MARCO: variants seen among roughly 807,000 people sequenced by gnomAD.
MARCO encodes macrophage receptor MARCO.
Under a neutral mutation model 70.0 loss-of-function variants are expected in MARCO, and 72 were observed. That is an observed-to-expected ratio of 1.03 (90% CI 0.85 to 1.25). The LOEUF is 1.25. MARCO is among the 50% of genes most tolerant of loss of function. The pLI is 0.00. For missense variants in MARCO, 696 were observed against 659.3 expected (o/e 1.06, Z -0.61); for synonymous variants, 273 against 243.1 (o/e 1.12, Z -1.14).
intron 1 of MARCO, among the ~76,000 whole-genome samples, chr2:118,950,203 TA>T (rs1679693580): frequency 6.6e-6 from 1 of 152,246 alleles, no homozygotes; most frequent in Non-Finnish European, 1.5e-5. Context: ...TTAATTTTAA[TA>T]AAACCTTGTT....
rs542860810 is a variant in MARCO at position 118,972,845 on chromosome 2, A to G, written c.460+1311A>G. Among the ~76,000 whole-genome samples, 3 of 152,230 alleles carry G rather than the reference A, an allele frequency of 2.0e-5. No homozygotes were observed. In the East Asian group the frequency reaches 5.8e-4, roughly 29 times the overall value. The stretch of plus-strand genomic sequence containing the variant: ...GAATCAATGCTTAAACTTCTTCTCA[A>G]CCCAATGGGTTCAGTACAACCTTCA... On this transcript the variant is annotated intron_variant, in intron 4 of 16. Transcript: ENST00000327097.
chr2:118,970,670 G>T (rs1007974863), intron 3 of MARCO, among the ~76,000 whole-genome samples: 1 of 152,176 alleles, frequency 6.6e-6, no homozygotes, highest in African/African-American at 2.4e-5. Flanking sequence ...GAGGACACCC[G>T]GACCTGCTGG....
intron 1 of MARCO, among the ~76,000 whole-genome samples, chr2:118,952,396 A>G (rs1679739741): frequency 6.6e-6 from 1 of 152,148 alleles, no homozygotes; most frequent in Non-Finnish European, 1.5e-5. Context: ...GCGTGCAGGT[A>G]TAAATCCCAT....
intron 1 of MARCO, among the ~76,000 whole-genome samples, chr2:118,951,936 T>G (rs1679730251): frequency 6.6e-6 from 1 of 151,924 alleles, no homozygotes; most frequent in Admixed American, 6.6e-5. Context: ...TCTCCGCCTC[T>G]CTCTCTTTCT....
At chr2:118,978,289 C>A (rs1430204617) in intron 8 of MARCO, among the ~76,000 whole-genome samples, 1 of 152,066 alleles carries the variant, frequency 6.6e-6, no homozygotes, top group Admixed American at 6.5e-5. Context: ...GGAGGGAGAC[C>A]CCAGGCAGCC....
At chr2:118,978,175 A>G (rs1680322607) in intron 8 of MARCO, among the ~76,000 whole-genome samples, 1 of 152,160 alleles carries the variant, frequency 6.6e-6, no homozygotes, top group African/African-American at 2.4e-5. Context: ...AGGCAGTGCT[A>G]GGAGCTCAGA....
intron 1 of MARCO, among the ~76,000 whole-genome samples, chr2:118,961,567 T>G (rs960202270): frequency 2.0e-5 from 3 of 151,064 alleles, no homozygotes; most frequent in Admixed American, 6.6e-5. Context: ...AATGAGGTTG[T>G]TTTTTTTTCT....
intron 1 of MARCO, among the ~76,000 whole-genome samples, chr2:118,954,310 C>A (rs1267728272): frequency 6.6e-6 from 1 of 152,170 alleles, no homozygotes; most frequent in Non-Finnish European, 1.5e-5. Context: ...CCCCACTTCC[C>A]TGACAACCTG....
At chr2:118,966,438 A>T (rs1304206697) in intron 1 of MARCO, among the ~76,000 whole-genome samples, 1 of 152,200 alleles carries the variant, frequency 6.6e-6, no homozygotes, top group Non-Finnish European at 1.5e-5. Flanking sequence ...TGAAATGAAC[A>T]GTGTAGAGGC....
chr2:118,977,343 TGAGAGA>T, intron 6 of MARCO, 122 bp from the exon 7 acceptor site: 1 of 731,530 alleles, frequency 1.4e-6, no homozygotes, highest in Non-Finnish European at 2.4e-6. Context: ...AGAGTGAGAG[TGAGAGA>T]GAGAGAAAGA....
chr2:118,956,450 CCAAA>C (rs1386548357), intron 1 of MARCO, among the ~76,000 whole-genome samples: 2 of 102,888 alleles, frequency 1.9e-5, no homozygotes, highest in East Asian at 6.3e-4. Context: ...TATCACAATC[CCAAA>C]CATTTATGCA....
chr2:118,969,622 A>C (rs529647848), intron 2 of MARCO, among the ~76,000 whole-genome samples: 1 of 152,216 alleles, frequency 6.6e-6, no homozygotes, highest in Non-Finnish European at 1.5e-5. Flanking sequence ...CCATTTGAAC[A>C]TGATTTTACT....
At chr2:118,950,547 A>C (rs984874951) in intron 1 of MARCO, among the ~76,000 whole-genome samples, 2 of 152,186 alleles carry the variant, frequency 1.3e-5, no homozygotes, top group African/African-American at 4.8e-5. Context: ...CTTTCCTTAC[A>C]TACCTTGCAT....
At chr2:118,951,574 G>A (rs1457727777) in intron 1 of MARCO, among the ~76,000 whole-genome samples, 3 of 152,194 alleles carry the variant, frequency 2.0e-5, no homozygotes, top group East Asian at 3.9e-4. Flanking sequence ...GGCCATCTAC[G>A]GGTTACTGGG....
intron 4 of MARCO, among the ~76,000 whole-genome samples, chr2:118,973,192 A>G (rs1229827921): frequency 6.7e-6 from 1 of 150,178 alleles, no homozygotes; most frequent in Non-Finnish European, 1.5e-5. Context: ...CACAGAGAAA[A>G]ACTCCAACTC....
chr2:118,978,331 T>C (rs1680326225), intron 8 of MARCO, among the ~76,000 whole-genome samples: 1 of 152,156 alleles, frequency 6.6e-6, no homozygotes, highest in Non-Finnish European at 1.5e-5. Context: ...GTGCTATCTC[T>C]AGAACAGTGT....
chr2:118,986,652 A>AGAAAGAAAGAAAGAAAGAAAGAAG (rs1558671615), intron 12 of MARCO, among the ~76,000 whole-genome samples: 9 of 48,424 alleles, frequency 1.9e-4, no homozygotes, highest in African/African-American at 3.5e-4. Flanking sequence ...AAAGAAAGAA[A>AGAAAGAAAGAAAGAAAGAAAGAAG]GAAGGAAGGA....
In MARCO at chr2:118,977,937, T is replaced by A. The variant is rs777050146; in HGVS notation, c.766+2T>A. 42 of 1,592,680 alleles carry A rather than the reference T, an allele frequency of 2.6e-5. No homozygotes were observed. The highest frequency in any genetic ancestry group is 3.5e-5 in the Non-Finnish European group (41 of 1,167,476). ...AGAAAGGAGACCTGGGTCTCCCAGG[T>A]GAGGGCCGTATTGGGGGTGTCGGTG... On this transcript the variant is annotated splice_donor_variant, in intron 8 of 16. Coordinates refer to ENST00000327097, the MANE Select transcript of MARCO (RefSeq NM_006770.4). LOFTEE classifies it high-confidence loss of function.
At chr2:118,955,937 A>G (rs1263032679) in intron 1 of MARCO, among the ~76,000 whole-genome samples, 1 of 150,084 alleles carries the variant, frequency 6.7e-6, no homozygotes, top group African/African-American at 2.5e-5. Flanking sequence ...CACCACAACA[A>G]GAACTGCTAA....
Sources: gnomAD v4.1 joint callset for allele counts (sites outside exome capture counted in the v4.1 genomes callset) on GRCh38, gnomAD v4.1.1 for gene constraint, MANE v1.5 for transcripts, NCBI Gene and HGNC (gene_info 2026-07-23, HGNC 2026-07-21) for gene names.